The following SLC18B1 variants were observed in gnomAD, a reference collection of about 807,000 sequenced individuals.
The protein encoded by SLC18B1 is MFS-type transporter SLC18B1.
In SLC18B1, 62 loss-of-function variants were observed where a neutral mutation model predicts 53.9. The ratio of observed to expected loss-of-function variants is 1.15; its 90% CI spans 0.94 to 1.42. The LOEUF (loss-of-function observed/expected upper bound fraction) is 1.42. SLC18B1 is among the 40% of genes most tolerant of loss of function. SLC18B1 has a pLI of 0.00. For synonymous variants in SLC18B1, 217 were observed against 200.9 expected (o/e 1.08, Z -0.68); for missense variants, 598 against 547.3 (o/e 1.09, Z -0.93).
In SLC18B1 at chr6:132,770,176, T is replaced by C; in HGVS notation, c.*94A>G. 1 of 1,026,682 alleles carries C rather than the reference T, an allele frequency of 9.7e-7. No individual in the cohort carries two copies. Among genetic ancestry groups the C allele is most frequent in the Non-Finnish European group, 1.5e-6 (1 of 663,456 alleles). 63.6% of individuals were successfully genotyped at this position (1,026,682 alleles called of 1,614,324 possible). ...GACACTGGCACGGGGTCCACGGAGT[T>C]TTGCGCGTAAAATTTTAAAAACCCT... On this transcript the variant is annotated 3_prime_UTR_variant, in exon 14 of 14. Coordinates refer to ENST00000275227, the MANE Select transcript of SLC18B1 (RefSeq NM_052831.3).
chr6:132,783,931 A>G lies in SLC18B1; in HGVS notation c.658+2T>C. ...TAAAATGAGTAATAAGTGTGGACTT[A>G]CCGTAATTGGGTAAAATATACATAT... On this transcript the variant is annotated splice_donor_variant, in intron 6 of 13. Transcript: ENST00000275227. LOFTEE classifies it high-confidence loss of function. The G allele has an allele frequency of 1.3e-6, 2 of 1,584,628 alleles. No individual in the cohort carries two copies. Among genetic ancestry groups the G allele is most frequent in the Non-Finnish European group, 1.7e-6 (2 of 1,168,596 alleles).
chr6:132,789,841 T>C lies in SLC18B1; in HGVS notation c.280-4A>G. 2.5e-6 allele frequency: 4 copies of C among 1,603,048 alleles called. No individual in the cohort carries two copies. The highest frequency in any genetic ancestry group is 3.4e-6 in the Non-Finnish European group (4 of 1,170,210). ...ATTTTGCTCCAATATGTACAAGCTA[T>C]AATAAATGTCAAAGAAGAGTGGTAA... On this transcript the variant is annotated splice_polypyrimidine_tract_variant and splice_region_variant and intron_variant, in intron 3 of 13. Transcript: ENST00000275227.
At chr6:132,780,348 C>A (rs1190156174) in intron 6 of SLC18B1, among the ~76,000 whole-genome samples, 3 of 152,072 alleles carry the variant, frequency 2.0e-5, no homozygotes, top group African/African-American at 4.8e-5. Context: ...ATCCTCCCAC[C>A]TCAGCCTCCC....
intron 6 of SLC18B1, among the ~76,000 whole-genome samples, chr6:132,780,165 T>C (rs1169859469): frequency 6.6e-6 from 1 of 151,916 alleles, no homozygotes; most frequent in Admixed American, 6.6e-5. Context: ...GTTGTGTTAT[T>C]ACAGTTTACT....
At chr6:132,770,757 T>C (rs769185080) in intron 13 of SLC18B1, 133 bp downstream of exon 13, 2 of 859,878 alleles carry the variant, frequency 2.3e-6, no homozygotes, top group Non-Finnish European at 3.7e-6. Flanking sequence ...ATTAAAAAAG[T>C]ATCTACCAAC....
intron 2 of SLC18B1, among the ~76,000 whole-genome samples, chr6:132,792,287 G>A (rs939447778): frequency 7.2e-5 from 4 of 55,866 alleles, no homozygotes; most frequent in African/African-American, 4.4e-4. Flanking sequence ...AAGAAAGGAA[G>A]AAAGGAAGGA....
At chr6:132,781,293 G>T (rs1259586097) in intron 6 of SLC18B1, among the ~76,000 whole-genome samples, 2 of 152,002 alleles carry the variant, frequency 1.3e-5, no homozygotes, top group East Asian at 3.9e-4. Flanking sequence ...AAAACTTGGG[G>T]TATTTGCTTG....
chr6:132,773,873 GA>G (rs57546980), intron 9 of SLC18B1, among the ~76,000 whole-genome samples: 25,950 of 142,564 alleles, frequency 0.18, 4,867 homozygotes, highest in African/African-American at 0.48. Context: ...AAAAAGAAAA[GA>G]AAAAAAAAAC....
Position 132,770,350 on chromosome 6 carries a change from A to G in SLC18B1, c.1305-14T>C. On this transcript the variant is annotated splice_polypyrimidine_tract_variant and intron_variant, in intron 13 of 13. Coordinates refer to ENST00000275227, the MANE Select transcript of SLC18B1 (RefSeq NM_052831.3). ...TGAGATTTAGACCTACATTGAGGGAAAGAAGAGATGAATCTCAATATTTCT... is the reference window on the plus strand; with the variant it reads ...TGAGATTTAGACCTACATTGAGGGAGAGAAGAGATGAATCTCAATATTTCT... 2 of 1,600,022 alleles carry G rather than the reference A, an allele frequency of 1.2e-6. No individual in the cohort carries two copies. The highest frequency in any genetic ancestry group is 1.7e-6 in the Non-Finnish European group (2 of 1,167,224).
chr6:132,795,185 C>T (rs1352433617), intron 2 of SLC18B1, among the ~76,000 whole-genome samples: 2 of 151,764 alleles, frequency 1.3e-5, no homozygotes, highest in Admixed American at 6.6e-5. Context: ...AAAAAACAGT[C>T]TTATAACATT....
intron 7 of SLC18B1, among the ~76,000 whole-genome samples, chr6:132,778,616 A>G (rs1174777884): frequency 1.3e-5 from 2 of 152,184 alleles, no homozygotes; most frequent in African/African-American, 2.4e-5. Flanking sequence ...TTATGGGTTG[A>G]AGTTAGTCAT....
At position 132,779,390 on chromosome 6, in the gene SLC18B1, C is replaced by T; in HGVS notation, c.673G>A (p.Glu225Lys). The T allele has an allele frequency of 6.2e-7, 1 of 1,607,006 alleles. No individual in the cohort carries two copies. Among genetic ancestry groups the T allele is most frequent in the Non-Finnish European group, 8.5e-7 (1 of 1,174,886 alleles). The change falls in exon 7 of 14, where the codon GAA becomes AAA. Residue 225 changes from glutamate (E) to lysine (K), a missense_variant. Glu to Lys is a moderately conservative substitution (Grantham distance 56, BLOSUM62 1). Coordinates refer to ENST00000275227, the MANE Select transcript of SLC18B1 (RefSeq NM_052831.3). ...GCGATCAGTTTCCAGAATGAGTGTT[C>T]ACCTGGATCAGACTCTTTAGGGAAA... ...ILPNYESDPGEHSFWKLIALP... is the reference protein window; with the variant it reads ...ILPNYESDPGKHSFWKLIALP...
At chr6:132,793,197 G>GAA (rs1458581788) in intron 2 of SLC18B1, among the ~76,000 whole-genome samples, 3 of 152,142 alleles carry the variant, frequency 2.0e-5, no homozygotes, top group Non-Finnish European at 4.4e-5. Flanking sequence ...ATGATGAATA[G>GAA]AAGTAGGAAT....
chr6:132,770,738 A>C, intron 13 of SLC18B1, 152 bp downstream of exon 13: 1 of 778,176 alleles, frequency 1.3e-6, no homozygotes, highest in South Asian at 1.9e-5. Flanking sequence ...ACCATCTCAA[A>C]AAATAAAAAT....
chr6:132,787,619 GTTTTC>G, intron 4 of SLC18B1, 38 bp from the exon 5 acceptor site: 1 of 1,456,984 alleles, frequency 6.9e-7, no homozygotes, highest in Non-Finnish European at 9.0e-7. Context: ...TGCCAAGCTG[GTTTTC>G]TTTTTTTTTT....
intron 6 of SLC18B1, among the ~76,000 whole-genome samples, chr6:132,780,535 A>G (rs928420120): frequency 6.7e-6 from 1 of 149,722 alleles, no homozygotes; most frequent in African/African-American, 2.5e-5. Flanking sequence ...TTTTCAGGAT[A>G]TAAGAGATAA....
chr6:132,785,139 G>A (rs1368889596), intron 5 of SLC18B1, among the ~76,000 whole-genome samples: 8 of 151,578 alleles, frequency 5.3e-5, no homozygotes, highest in Non-Finnish European at 2.9e-5. Context: ...GTGTGTGTGT[G>A]TGTGTGTGTG....
chr6:132,775,441 A>C (rs1035756450), intron 8 of SLC18B1, among the ~76,000 whole-genome samples: 2 of 152,234 alleles, frequency 1.3e-5, no homozygotes, highest in Admixed American at 1.3e-4. Flanking sequence ...CAGTTATGTA[A>C]GATTATGTCT....
At position 132,776,442 on chromosome 6, in the gene SLC18B1, T is replaced by A; in HGVS notation, c.796-13A>T. On this transcript the variant is annotated splice_polypyrimidine_tract_variant and intron_variant, in intron 7 of 13. Coordinates refer to ENST00000275227, the MANE Select transcript of SLC18B1 (RefSeq NM_052831.3). ...CTGGTAAATTGAACTGTAAAAGAAA[T>A]CCTATATTAAAGTTACATAATTAAG... 1.3e-6 allele frequency: 2 copies of A among 1,592,752 alleles called. No homozygotes were observed. The highest frequency in any genetic ancestry group is 1.7e-6 in the Non-Finnish European group (2 of 1,163,166).
Sources: gnomAD v4.1 joint callset for allele counts (sites outside exome capture counted in the v4.1 genomes callset) on GRCh38, gnomAD v4.1.1 for gene constraint, MANE v1.5 for transcripts, NCBI Gene and HGNC (gene_info 2026-07-23, HGNC 2026-07-21) for gene names.